The following DNMT3B variants were observed in gnomAD, a reference collection of about 807,000 sequenced individuals.
DNMT3B encodes the protein DNA methyltransferase 3 beta.
Under a neutral mutation model 120.2 loss-of-function variants are expected in DNMT3B, and 37 were observed. That is an observed-to-expected ratio of 0.31 (90% CI 0.24 to 0.40). The LOEUF (loss-of-function observed/expected upper bound fraction) is 0.40, where lower values mean the gene tolerates loss of function less well. Ranked by LOEUF, DNMT3B falls within the 10% of genes least tolerant of loss-of-function variation. The pLI is 1.00. For missense variants in DNMT3B, 878 were observed against 1,137.3 expected (o/e 0.77, Z 3.28); for synonymous variants, 412 against 442.8 (o/e 0.93, Z 0.87).
intron 17 of DNMT3B, 55 bp downstream of exon 17, chr20:32,800,353 C>G: frequency 6.2e-7 from 1 of 1,611,440 alleles, no homozygotes; most frequent in Non-Finnish European, 8.5e-7. Flanking sequence ...TTTCCCCAGT[C>G]CTCCACACCC....
In DNMT3B at chr20:32,791,608, C is replaced by T; in HGVS notation, c.821C>T (p.Ala274Val). 1.2e-6 allele frequency: 2 copies of T among 1,614,114 alleles called. No individual in the cohort carries two copies. Among genetic ancestry groups the T allele is most frequent in the Non-Finnish European group, 1.7e-6 (2 of 1,179,988 alleles). The change falls in exon 8 of 23, where the codon GCA (alanine) becomes GTA (valine). Residue 274 changes from alanine (A) to valine (V), a missense_variant. Transcript: ENST00000328111. ...GATGTCTTTCTCTTTTAGGTCTCTG[C>T]AGACAAACTGGTGGCACTGGGGCTG... ...FGDGKFSEVS[A>V]DKLVALGLFS...
In DNMT3B at chr20:32,805,398, G is replaced by A. The variant is rs759448571; in HGVS notation, c.2292G>A (p.Arg764=). ...LELQDCLEYN[R]IAKLKKVQTI... is the part of the protein sequence containing the mutation. ...TGCAGGACTGCTTGGAATACAATAGGATAGCCAAGGTAAGACGAGCTGTGG... is the reference window on the plus strand; with the variant it reads ...TGCAGGACTGCTTGGAATACAATAGAATAGCCAAGGTAAGACGAGCTGTGG... Residue 764 remains arginine, a synonymous_variant, in exon 21 of 23, where the codon AGG becomes AGA. Coordinates refer to ENST00000328111, the MANE Select transcript of DNMT3B (RefSeq NM_006892.4). 4 of 1,614,056 alleles carry A rather than the reference G, an allele frequency of 2.5e-6. 1 individual carries two copies. In the South Asian group the frequency reaches 3.3e-5, roughly 13 times the overall value.
chr20:32,792,118 T>C (rs533127559), intron 8 of DNMT3B, among the ~76,000 whole-genome samples: 64 of 152,234 alleles, frequency 4.2e-4, no homozygotes, highest in African/African-American at 1.4e-3. Context: ...TTCACCTTGA[T>C]TTTTTCCCCC....
intron 10 of DNMT3B, 147 bp downstream of exon 10, chr20:32,793,742 C>T: frequency 1.1e-6 from 1 of 888,838 alleles, no homozygotes; most frequent in East Asian, 2.6e-5. Context: ...ACATCCCACC[C>T]TCACAAATAC....
intron 14 of DNMT3B, 131 bp downstream of exon 14, chr20:32,797,430 A>G: frequency 1.2e-6 from 1 of 826,386 alleles, no homozygotes. Context: ...CCCTGGAAGC[A>G]GCACACAGGG....
At chr20:32,789,655 G>A (rs1312046501) in intron 7 of DNMT3B, among the ~76,000 whole-genome samples, 2 of 152,082 alleles carry the variant, frequency 1.3e-5, no homozygotes, top group Non-Finnish European at 2.9e-5. Context: ...GTGCAGTGGT[G>A]CGATCTTGGC....
At chr20:32,797,078 C>A in intron 13 of DNMT3B, 109 bp from the exon 14 acceptor site, 1 of 1,604,862 alleles carries the variant, frequency 6.2e-7, no homozygotes. Flanking sequence ...GGACACCAAG[C>A]CACCAGCAGT....
chr20:32,799,870 T>C lies in DNMT3B; in HGVS notation c.1760-283T>C, dbSNP rs532869694. 3.3e-5 allele frequency among the ~76,000 whole-genome samples: 5 copies of C among 152,378 alleles called. No homozygotes were observed. The East Asian group carries it at 9.6e-4, about 29-fold the overall frequency. ...ATCTTAGCTGTTACACTTTATTTTT[T>C]ATGTGCAGTTATCTTGAACTTGATT... On this transcript the variant is annotated intron_variant, in intron 16 of 22. Coordinates refer to ENST00000328111, the MANE Select transcript of DNMT3B (RefSeq NM_006892.4).
chr20:32,767,589 C>T (rs186023863), intron 1 of DNMT3B, among the ~76,000 whole-genome samples: 127 of 152,244 alleles, frequency 8.3e-4, no homozygotes, highest in African/African-American at 2.5e-3. Context: ...CGTGCCACCA[C>T]GCCCATCTAA....
At chr20:32,769,391 G>T (rs760369486) in intron 1 of DNMT3B, among the ~76,000 whole-genome samples, 1 of 152,130 alleles carries the variant, frequency 6.6e-6, no homozygotes, top group Non-Finnish European at 1.5e-5. Context: ...CGGGCCCACT[G>T]TTGCAAATTT....
At chr20:32,801,511 A>G (rs1215382294) in intron 19 of DNMT3B, 85 bp downstream of exon 19, 6 of 1,569,298 alleles carry the variant, frequency 3.8e-6, no homozygotes, top group Non-Finnish European at 5.2e-6. Context: ...GGTGTTGCCA[A>G]CATTGGGAAT....
intron 3 of DNMT3B, 147 bp downstream of exon 3, chr20:32,781,561 AT>A: frequency 3.6e-6 from 3 of 843,100 alleles, no homozygotes; most frequent in Non-Finnish European, 5.9e-6. Context: ...ATTTGGCATT[AT>A]TTTTTCAATC....
intron 11 of DNMT3B, 58 bp downstream of exon 11, chr20:32,795,592 G>C (rs2146003859): frequency 6.2e-7 from 1 of 1,614,094 alleles, no homozygotes; most frequent in South Asian, 1.1e-5. Flanking sequence ...TGCAGATCAG[G>C]AATTGATCTG....
intron 1 of DNMT3B, among the ~76,000 whole-genome samples, chr20:32,764,595 G>T (rs1233760719): frequency 6.6e-6 from 1 of 152,142 alleles, no homozygotes; most frequent in East Asian, 1.9e-4. Context: ...CTTTCGAACG[G>T]AGTCTTGGTT....
At chr20:32,801,022 C>A in intron 18 of DNMT3B, 97 bp downstream of exon 18, 1 of 1,459,846 alleles carries the variant, frequency 6.9e-7, no homozygotes, top group Non-Finnish European at 9.6e-7. Flanking sequence ...TGCTTCTGGC[C>A]AAGTTACTGG....
At chr20:32,765,667 CGCCTCG>C (rs2145834815) in intron 1 of DNMT3B, among the ~76,000 whole-genome samples, 1 of 151,158 alleles carries the variant, frequency 6.6e-6, no homozygotes. Context: ...GTGATTCACC[CGCCTCG>C]GCTTCCCAAA....
chr20:32,792,872 T>C (rs1318628654), intron 9 of DNMT3B, 102 bp downstream of exon 9: 27 of 1,523,836 alleles, frequency 1.8e-5, no homozygotes, highest in Non-Finnish European at 2.4e-5. Flanking sequence ...CCCAGCTTTC[T>C]AGCAGCTGGT....
intron 12 of DNMT3B, 135 bp from the exon 13 acceptor site, chr20:32,796,655 C>T: frequency 2.3e-6 from 2 of 888,654 alleles, no homozygotes; most frequent in South Asian, 1.4e-5. Context: ...AGCTGTGAGG[C>T]ATGGCCTGAG....
intron 13 of DNMT3B, 69 bp from the exon 14 acceptor site, chr20:32,797,118 A>G: frequency 4.4e-6 from 7 of 1,606,786 alleles, no homozygotes; most frequent in Non-Finnish European, 5.9e-6. Flanking sequence ...TAGGGCCTCC[A>G]CCAGCAAGCC....
Sources: allele counts gnomAD v4.1 joint callset (sites outside exome capture counted in the v4.1 genomes callset), GRCh38; gene constraint gnomAD v4.1.1; transcripts MANE v1.5; gene names NCBI Gene and HGNC (gene_info 2026-07-23, HGNC 2026-07-21).